Variants in MYO1H observed in about 807,000 individuals in gnomAD.
MYO1H encodes myosin IH, also known as unconventional myosin-Ih.
MYO1H carries 118 observed loss-of-function variants against 149.3 expected under a neutral mutation model. That is an observed-to-expected ratio of 0.79 (90% CI 0.68 to 0.92). MYO1H has a LOEUF of 0.92. MYO1H is among the 40% of genes least tolerant of loss of function. The probability of loss-of-function intolerance (pLI) is 0.00; values close to 1 mark genes in which losing one functional copy is unlikely to be tolerated. For missense variants in MYO1H, 1,212 were observed against 1,280.7 expected (o/e 0.95, Z 0.82); for synonymous variants, 447 against 465.2 (o/e 0.96, Z 0.50).
chr12:109,350,073 A>G (rs1251885850), intron 1 of MYO1H, among the ~76,000 whole-genome samples: 1 of 152,062 alleles, frequency 6.6e-6, no homozygotes, highest in Non-Finnish European at 1.5e-5. Context: ...TGAACAAAGC[A>G]AAATGAAGAA....
At chr12:109,444,120 T>A (rs1872371137) in intron 28 of MYO1H, 93 bp from the exon 29 acceptor site, 1 of 902,468 alleles carries the variant, frequency 1.1e-6, no homozygotes, top group Non-Finnish European at 1.9e-6. Context: ...GAATGAAGTG[T>A]GGTGTTGGGC....
At chr12:109,405,692 C>T (rs1423611402) in intron 7 of MYO1H, among the ~76,000 whole-genome samples, 3 of 152,156 alleles carry the variant, frequency 2.0e-5, no homozygotes, top group Non-Finnish European at 4.4e-5. Context: ...AAAGTGTTTC[C>T]TGCTGGACAC....
rs762067988 is a variant in MYO1H, at chr12:109,409,697, G to A, written c.1223+73G>A. On this transcript the variant is annotated intron_variant, in intron 11 of 31. Coordinates refer to ENST00000310903, the Ensembl canonical transcript of MYO1H. ...ATTTCAGTCGAGATTTAAATCTTTC[G>A]CTAATGTTACTAGATTGATTTCCCT... 1.9e-5 allele frequency: 23 copies of A among 1,235,810 alleles called. 1 individual carries two copies. The highest frequency in any genetic ancestry group is 2.1e-4 in the Middle Eastern group (1 of 4,820). 76.6% of individuals were successfully genotyped at this position (1,235,810 alleles called of 1,614,324 possible).
intron 19 of MYO1H, among the ~76,000 whole-genome samples, chr12:109,429,841 CTGGG>C (rs1871537134): frequency 6.6e-6 from 1 of 152,192 alleles, no homozygotes; most frequent in East Asian, 1.9e-4. Flanking sequence ...AAACACTACA[CTGGG>C]TGGCTTCTAA....
the MYO1H span, among the ~76,000 whole-genome samples, chr12:109,324,225 C>T: frequency 2.0e-5 from 3 of 152,124 alleles, no homozygotes; most frequent in Non-Finnish European, 4.4e-5. Flanking sequence ...CCTTTCCATG[C>T]GCTGGGCTTT....
At chr12:109,329,963 G>T in the MYO1H span, among the ~76,000 whole-genome samples, 6 of 152,206 alleles carry the variant, frequency 3.9e-5, no homozygotes, top group Non-Finnish European at 8.8e-5. Flanking sequence ...GGAGGCAGAT[G>T]ATGAGTAAGT....
the MYO1H span, among the ~76,000 whole-genome samples, chr12:109,335,373 C>T: frequency 6.6e-6 from 1 of 152,062 alleles, no homozygotes; most frequent in South Asian, 2.1e-4. Flanking sequence ...ATCGTGATGA[C>T]AGCACCAAGG....
exon 32 of MYO1H, chr12:109,448,085 G>C (rs954738258): frequency 4.6e-5 from 7 of 152,102 alleles, no homozygotes; most frequent in African/African-American, 1.7e-4. Flanking sequence ...AGGTAATATG[G>C]TCTTATTTTT....
the MYO1H span, among the ~76,000 whole-genome samples, chr12:109,332,983 C>T: frequency 2.6e-5 from 4 of 152,146 alleles, no homozygotes; most frequent in East Asian, 1.9e-4. Context: ...GTATTATGAC[C>T]GCAATTCTAT....
At chr12:109,443,783 G>A (rs574389413) in intron 28 of MYO1H, 134 bp downstream of exon 28, 1 of 915,936 alleles carries the variant, frequency 1.1e-6, no homozygotes, top group South Asian at 1.7e-5. Flanking sequence ...CACACCTGTA[G>A]TCTCAGCTAC....
At chr12:109,397,998 T>C (rs1869986795) in intron 5 of MYO1H, among the ~76,000 whole-genome samples, 186 bp downstream of exon 5, 1 of 152,200 alleles carries the variant, frequency 6.6e-6, no homozygotes, top group Non-Finnish European at 1.5e-5. Flanking sequence ...TTTTATACCA[T>C]CTGGATGGGC....
chr12:109,318,980 T>TGTTTTTG, the MYO1H span, among the ~76,000 whole-genome samples: 8 of 136,146 alleles, frequency 5.9e-5, no homozygotes, highest in South Asian at 4.6e-4. Context: ...TTGTTTTTTT[T>TGTTTTTG]TTTTTTTTTT....
At chr12:109,402,446 A>G (rs1870205666) in intron 6 of MYO1H, among the ~76,000 whole-genome samples, 1 of 152,148 alleles carries the variant, frequency 6.6e-6, no homozygotes, top group Non-Finnish European at 1.5e-5. Flanking sequence ...CATGGAAGAA[A>G]AGAAGCCTTG....
intron 31 of MYO1H, chr12:109,445,851 C>CTG: frequency 1.0e-6 from 1 of 985,334 alleles, no homozygotes. Flanking sequence ...GAACCAGAAG[C>CTG]TGACATGAGA....
chr12:109,360,658 G>T (rs1032633679), intron 1 of MYO1H, among the ~76,000 whole-genome samples: 6 of 146,722 alleles, frequency 4.1e-5, no homozygotes, highest in South Asian at 4.3e-4. Context: ...GTGTGAACTG[G>T]AGTCAAAAAA....
the MYO1H span, among the ~76,000 whole-genome samples, chr12:109,317,755 G>A: frequency 2.6e-4 from 39 of 152,290 alleles, no homozygotes; most frequent in South Asian, 4.1e-4. Flanking sequence ...TTGGGACAGC[G>A]TTGGACCAGC....
exon 19 of MYO1H, chr12:109,427,510 C>G (rs1871401975): frequency 1.2e-6 from 2 of 1,612,720 alleles, no homozygotes; most frequent in African/African-American, 1.3e-5. Flanking sequence ...GATCAAATAC[C>G]TGGGGCTGAT....
In MYO1H at chr12:109,399,591, C is replaced by CAAA. The variant is rs34417905; in HGVS notation, c.571-1480_571-1478dup. Among the ~76,000 whole-genome samples, 133 of 70,458 alleles carry CAAA rather than the reference C, an allele frequency of 1.9e-3. 6 individuals carry two copies. Among genetic ancestry groups the CAAA allele is most frequent in the Middle Eastern group, 9.3e-3 (1 of 108 alleles). 46.2% of individuals were successfully genotyped at this position (70,458 alleles called of 152,430 possible). On this transcript the variant is annotated intron_variant, in intron 5 of 31. Transcript: ENST00000310903. The stretch of plus-strand genomic sequence containing the variant: ...TGAGCAAGAGAGTGAGACTCTGTCT[C>CAAA]AAAAAAAAAAAAAAAAAAAAAAAAT...
At chr12:109,445,638 G>T (rs548973124) in intron 31 of MYO1H, 26 bp downstream of exon 31, 2 of 1,601,262 alleles carry the variant, frequency 1.2e-6, no homozygotes, top group African/African-American at 2.7e-5. Flanking sequence ...TGGGAGGGAA[G>T]TAAGCCGTTT....
Sources: allele counts gnomAD v4.1 joint callset (sites outside exome capture counted in the v4.1 genomes callset), GRCh38; gene constraint gnomAD v4.1.1; transcripts MANE v1.5; gene names NCBI Gene and HGNC (gene_info 2026-07-23, HGNC 2026-07-21).